The following USP14 variants were observed in gnomAD, a reference collection of about 807,000 sequenced individuals.
The protein encoded by USP14 is ubiquitin carboxyl-terminal hydrolase 14.
A neutral mutation model predicts 76.5 loss-of-function variants in USP14; 38 were observed. The observed-to-expected ratio is 0.50, with a 90% confidence interval of 0.38 to 0.65. The LOEUF (loss-of-function observed/expected upper bound fraction) is 0.65, where lower values mean the gene tolerates loss of function less well. Among genes scored for constraint, USP14 ranks in the 30% least tolerant of loss-of-function variants. USP14 has a pLI of 0.00. For missense variants in USP14, 467 were observed against 586.5 expected (o/e 0.80, Z 2.10); for synonymous variants, 192 against 191.7 (o/e 1.00, Z -0.01).
chr18:174,264 CTTTCT>C (rs1909560221), intron 3 of USP14, among the ~76,000 whole-genome samples: 2 of 124,920 alleles, frequency 1.6e-5, no homozygotes, highest in Admixed American at 9.5e-5. Context: ...TCACGTTTTT[CTTTCT>C]TTTTTTTTTT....
intron 3 of USP14, among the ~76,000 whole-genome samples, chr18:178,331 G>A (rs138293685): frequency 6.6e-6 from 1 of 152,206 alleles, no homozygotes; most frequent in East Asian, 1.9e-4. Flanking sequence ...TTTATTAGTT[G>A]TAAGTTTGTT....
At chr18:202,070 A>G (rs1181588210) in intron 10 of USP14, among the ~76,000 whole-genome samples, 1 of 152,232 alleles carries the variant, frequency 6.6e-6, no homozygotes, top group African/African-American at 2.4e-5. Flanking sequence ...ATGCTTAAAC[A>G]TTACCAGTAG....
chr18:189,431 A>G (rs1910024657), intron 5 of USP14, among the ~76,000 whole-genome samples: 1 of 152,032 alleles, frequency 6.6e-6, no homozygotes, highest in African/African-American at 2.4e-5. Context: ...AATGTTGACA[A>G]AAGCCACTAG....
chr18:211,368 C>A lies in USP14; in HGVS notation c.*84C>A. 7.0e-7 allele frequency: 1 copy of A among 1,435,424 alleles called. No individual in the cohort carries two copies. Among genetic ancestry groups the A allele is most frequent in the South Asian group, 1.4e-5 (1 of 70,922 alleles). The allele number at this position is 1,435,424 out of a possible 1,614,324, so 88.9% of individuals were successfully genotyped here. On this transcript the variant is annotated 3_prime_UTR_variant, in exon 16 of 16. Transcript: ENST00000261601. ...TATAATCCAGAGCTTTAGAGGAAGA[C>A]ACATAGGTGGGTTTATGTTTCACCT...
rs1322809982 is a variant in USP14 at position 213,904 on chromosome 18, G to A, written c.*2620G>A. 2.0e-5 allele frequency: 3 copies of A among 152,226 alleles called. No homozygotes were observed. In the East Asian group the frequency reaches 5.8e-4, roughly 29 times the overall value. 9.4% of individuals were successfully genotyped at this position (152,226 alleles called of 1,614,324 possible). ...AATTTTTGTAAGGCTAGAAGGAAAA[G>A]TGAGGTTTTAGACTTCATTTCTTTT... On this transcript the variant is annotated 3_prime_UTR_variant, in exon 16 of 16. Coordinates refer to ENST00000261601, the MANE Select transcript of USP14 (RefSeq NM_005151.4).
Position 180,419 on chromosome 18 carries a change from CTTAA to C in USP14, c.404+83_404+86del, listed in dbSNP as rs1016414358. On this transcript the variant is annotated intron_variant, in intron 5 of 15. Transcript: ENST00000261601. Reference sequence around the variant, plus strand: ...TGTTTTGTTTTGCTTTCTTTAGCATCTTAATTGAGATATAATTAATTTATTATAC... The same window carrying C: ...TGTTTTGTTTTGCTTTCTTTAGCATCTTGAGATATAATTAATTTATTATAC... 1.6e-4 allele frequency: 125 copies of C among 802,116 alleles called. 1 individual carries two copies. The highest frequency in any genetic ancestry group is 3.5e-4 in the South Asian group (21 of 60,866). 49.7% of individuals were successfully genotyped at this position (802,116 alleles called of 1,614,324 possible).
At chr18:200,920 G>GCC (rs533510928) in intron 10 of USP14, among the ~76,000 whole-genome samples, 9 of 152,068 alleles carry the variant, frequency 5.9e-5, no homozygotes, top group Non-Finnish European at 1.3e-4. Context: ...TCCTGCCTTA[G>GCC]CCTCCTGAGT....
chr18:163,568 G>T, intron 2 of USP14, 115 bp downstream of exon 2: 1 of 1,194,854 alleles, frequency 8.4e-7, no homozygotes, highest in East Asian at 2.6e-5. Flanking sequence ...TTTATATGAT[G>T]AGAGTATGTC....
At chr18:195,849 A>G (rs1910215567) in intron 6 of USP14, among the ~76,000 whole-genome samples, 1 of 152,156 alleles carries the variant, frequency 6.6e-6, no homozygotes. Flanking sequence ...GTACTGAATT[A>G]AAACACCCTG....
rs1021707517 is a variant in USP14 at position 158,784 on chromosome 18, C to CA, written c.16+71dup. ...TAGGCCTCCGCGTAGGCCTGGCCTG[C>CA]ACGGGCGGGCACCCGGCATGGACTG... On this transcript the variant is annotated intron_variant, in intron 1 of 15. Coordinates refer to ENST00000261601, the MANE Select transcript of USP14 (RefSeq NM_005151.4). 42 of 1,322,756 alleles carry CA rather than the reference C, an allele frequency of 3.2e-5. No homozygotes were observed. In the African/African-American group the frequency reaches 4.1e-4, roughly 13 times the overall value. 81.9% of individuals were successfully genotyped at this position (1,322,756 alleles called of 1,614,324 possible).
At chr18:173,132 G>A (rs897975630) in intron 3 of USP14, among the ~76,000 whole-genome samples, 7 of 149,228 alleles carry the variant, frequency 4.7e-5, no homozygotes, top group Admixed American at 1.3e-4. Context: ...TCTTTGAGAC[G>A]GAGTCTCACC....
At chr18:188,440 A>G (rs1446317440) in intron 5 of USP14, among the ~76,000 whole-genome samples, 1 of 149,648 alleles carries the variant, frequency 6.7e-6, no homozygotes, top group Non-Finnish European at 1.5e-5. Context: ...TTGCTGGAAC[A>G]TTTTAAAAGG....
intron 5 of USP14, among the ~76,000 whole-genome samples, chr18:184,197 C>CT (rs1026755670): frequency 6.0e-4 from 90 of 151,106 alleles, no homozygotes; most frequent in African/African-American, 2.0e-3. Flanking sequence ...AGTATTTTTT[C>CT]TTTTTTTTGT....
chr18:199,560 C>G (rs774661451), intron 10 of USP14, among the ~76,000 whole-genome samples: 1 of 152,058 alleles, frequency 6.6e-6, no homozygotes, highest in Non-Finnish European at 1.5e-5. Context: ...AAAAAAATTT[C>G]TGCTTTTTGT....
chr18:178,665 A>C (rs1203457446), intron 3 of USP14, among the ~76,000 whole-genome samples: 1 of 152,180 alleles, frequency 6.6e-6, no homozygotes, highest in Non-Finnish European at 1.5e-5. Flanking sequence ...AGTGATTTTT[A>C]GTAGTGTATT....
intron 9 of USP14, among the ~76,000 whole-genome samples, chr18:198,615 A>G (rs951502140): frequency 3.3e-5 from 5 of 152,164 alleles, no homozygotes; most frequent in African/African-American, 1.2e-4. Flanking sequence ...GGGATTATTC[A>G]TTATGTTTTG....
chr18:174,655 A>G (rs1451888020), intron 3 of USP14, among the ~76,000 whole-genome samples: 2 of 146,726 alleles, frequency 1.4e-5, no homozygotes, highest in Non-Finnish European at 3.0e-5. Context: ...TGTCGGCTGG[A>G]GTGCAGTGGC....
chr18:176,931 AG>A (rs1909644179), intron 3 of USP14, among the ~76,000 whole-genome samples: 1 of 151,804 alleles, frequency 6.6e-6, no homozygotes, highest in African/African-American at 2.4e-5. Context: ...ATTCTTTTTC[AG>A]AAATTTCTTA....
chr18:179,994 T>G (rs1211303035), intron 4 of USP14, among the ~76,000 whole-genome samples: 1 of 152,108 alleles, frequency 6.6e-6, no homozygotes, highest in East Asian at 1.9e-4. Context: ...ACTAGTATGA[T>G]TATTCTCTTA....
Sources: allele counts gnomAD v4.1 joint callset (sites outside exome capture counted in the v4.1 genomes callset), GRCh38; gene constraint gnomAD v4.1.1; transcripts MANE v1.5; gene names NCBI Gene and HGNC (gene_info 2026-07-23, HGNC 2026-07-21).